The following KRT40 variants were observed in gnomAD, a reference collection of about 807,000 sequenced individuals.
The protein encoded by KRT40 is keratin 40.
A neutral mutation model predicts 43.5 loss-of-function variants in KRT40; 47 were observed. That is an observed-to-expected ratio of 1.08 (90% CI 0.86 to 1.38). The LOEUF (loss-of-function observed/expected upper bound fraction) is 1.38, where lower values mean the gene tolerates loss of function less well. Among genes scored for constraint, KRT40 ranks in the 40% most tolerant of loss-of-function variants. KRT40 has a pLI of 0.00. For missense variants in KRT40, 573 were observed against 523.6 expected, an observed-to-expected ratio of 1.09 and a Z score of -0.92; for synonymous variants, 212 against 214.0, an observed-to-expected ratio of 0.99 and a Z score of 0.08.
chr17:40,979,664 T>G (rs920718304), intron 5 of KRT40, among the ~76,000 whole-genome samples: 15 of 152,056 alleles, frequency 9.9e-5, no homozygotes, highest in African/African-American at 2.9e-4. Context: ...GAGGAAAGAT[T>G]GAGTTTGGGC....
chr17:40,982,378 T>G lies in KRT40; in HGVS notation c.616A>C (p.Lys206Gln). 6.2e-7 allele frequency: 1 copy of G among 1,612,034 alleles called. No individual in the cohort carries two copies. Among genetic ancestry groups the G allele is most frequent in the East Asian group, 2.2e-5 (1 of 44,670 alleles). The change falls in exon 3 of 7, where the codon AAA becomes CAA. Residue 206 changes from lysine to glutamine, a missense_variant. By Grantham distance (53) the Lys-to-Gln change is moderately conservative (BLOSUM62 1). Coordinates refer to ENST00000377755, the MANE Select transcript of KRT40 (RefSeq NM_001389244.1). ...TCCACATGGGCCTCCAGATCAGATT[T>G]GCACAGGGTCAGTTCCTCCAGGATC... ...HGILEELTLC[K>Q]SDLEAHVESL...
intron 5 of KRT40, among the ~76,000 whole-genome samples, chr17:40,979,651 T>A (rs1019356961): frequency 1.3e-5 from 2 of 152,020 alleles, no homozygotes; most frequent in Non-Finnish European, 2.9e-5. Flanking sequence ...CCACAACATA[T>A]GAGAGGAAAG....
rs1295912254 is a variant in KRT40 at position 40,980,878 on chromosome 17, G to T, written c.882C>A (p.Ser294Arg). Residue 294 changes from serine to arginine, a missense_variant, in exon 5 of 7, where the codon AGC (serine) becomes AGA (arginine). Coordinates refer to ENST00000377755, the MANE Select transcript of KRT40 (RefSeq NM_001389244.1). ...TEELNQQQLS[S>R]AEQLQGCQME... ...TCTGGCAGCCCTGCAGCTGCTCCGC[G>T]CTGGACAGTTGCTGCTGATTCAGCT... 6.2e-7 allele frequency: 1 copy of T among 1,613,852 alleles called. No homozygotes were observed. The highest frequency in any genetic ancestry group is 2.2e-5 in the East Asian group (1 of 44,896).
In KRT40 at chr17:40,982,583, C is replaced by G. The variant is rs1912230839; in HGVS notation, c.531-120G>C. ...CCATGTGCATAATTTCTCTTAATTC[C>G]TAAGTAATGATAAATTCAAGCTTTT... On this transcript the variant is annotated intron_variant, in intron 2 of 6. Coordinates refer to ENST00000377755, the MANE Select transcript of KRT40 (RefSeq NM_001389244.1). 1.2e-5 allele frequency: 8 copies of G among 680,958 alleles called. No homozygotes were observed. In the East Asian group the frequency reaches 2.3e-4, roughly 20 times the overall value. 42.2% of individuals were successfully genotyped at this position (680,958 alleles called of 1,614,324 possible). A position where few individuals can be genotyped will look rare whatever the true frequency, so the allele number is the denominator to read the frequency against.
In KRT40 at chr17:40,979,014, A is replaced by G; in HGVS notation, c.986T>C (p.Leu329Pro). The change falls in exon 6 of 7, where the codon CTG (leucine) becomes CCG (proline). Residue 329 changes from leucine (L) to proline (P), a missense_variant. Transcript: ENST00000377755. ...LQAQQSLTESLECTVAETEAQ... is the reference protein window; with the variant it reads ...LQAQQSLTESPECTVAETEAQ... ...CTCGGTTTCTGCCACGGTGCATTCC[A>G]GAGATTCTGTCTGCGGGAGGAAACA... is the stretch of plus-strand genomic sequence containing the variant. 6.2e-7 allele frequency: 1 copy of G among 1,613,166 alleles called. No individual in the cohort carries two copies. The highest frequency in any genetic ancestry group is 8.5e-7 in the Non-Finnish European group (1 of 1,179,226).
intron 5 of KRT40, 111 bp downstream of exon 5, chr17:40,980,674 G>A (rs1912088541): frequency 4.4e-6 from 6 of 1,361,686 alleles, no homozygotes; most frequent in Middle Eastern, 2.7e-4. Flanking sequence ...TGGGTAAACG[G>A]CAGTACTCGG....
At chr17:40,983,803 G>A (rs764830761) in intron 1 of KRT40, 24 bp downstream of exon 1, 5 of 1,602,714 alleles carry the variant, frequency 3.1e-6, no homozygotes, top group Non-Finnish European at 4.3e-6. Context: ...GGAAGGTGGA[G>A]CACTAGGGCA....
rs56278621 is a variant in KRT40, at chr17:40,982,388, C to T, written c.606G>A (p.Leu202=). The change falls in exon 3 of 7, where the codon CTG becomes CTA. Residue 202 remains leucine, a synonymous_variant. Transcript: ENST00000377755. ...CCTCCAGATCAGATTTGCACAGGGT[C>T]AGTTCCTCCAGGATCCCATGCAGGC... The part of the protein sequence containing the change: ...ISSLHGILEE[L]TLCKSDLEAH... 3 of 1,612,088 alleles carry T rather than the reference C, an allele frequency of 1.9e-6. No homozygotes were observed. The highest frequency in any genetic ancestry group is 2.5e-6 in the Non-Finnish European group (3 of 1,179,058).
In KRT40 at chr17:40,981,150, T is replaced by A. The variant is rs779628156; in HGVS notation, c.689A>T (p.Glu230Val). ...AAGCTGTTCACGAAGCAAGTTGACT[T>A]CCTGAAAGTGGGATGGTGTAAAGAA... is the stretch of plus-strand genomic sequence containing the variant. ...LLCLKKNHEE[E>V]VNLLREQLGD... Residue 230 changes from glutamate (E) to valine (V), a missense_variant and splice_region_variant, in exon 4 of 7, where the codon GAA becomes GTA. Glu to Val is a moderately radical substitution (Grantham distance 121, BLOSUM62 -2). Transcript: ENST00000377755. The A allele has an allele frequency of 3.7e-6, 6 of 1,613,682 alleles. No individual in the cohort carries two copies. The highest frequency in any genetic ancestry group is 1.7e-6 in the Non-Finnish European group (2 of 1,179,732).
At chr17:40,982,774 C>G (rs879277680) in intron 2 of KRT40, among the ~76,000 whole-genome samples, 3 of 152,058 alleles carry the variant, frequency 2.0e-5, no homozygotes, top group Non-Finnish European at 4.4e-5. Flanking sequence ...GAGGCCAAGG[C>G]GGGCAGATCA....
In KRT40 at chr17:40,982,353, T is replaced by C; in HGVS notation, c.641A>G (p.Glu214Gly). The part of the protein sequence containing the change: ...LCKSDLEAHV[E>G]SLKEDLLCLK... The stretch of plus-strand genomic sequence containing the variant: ...GCAAAGGAGATCTTCCTTCAGAGAC[T>C]CCACATGGGCCTCCAGATCAGATTT... Residue 214 changes from glutamate (E) to glycine (G), a missense_variant, in exon 3 of 7, where the codon GAG becomes GGG. Physicochemically the swap from Glu to Gly is moderately conservative, Grantham distance 98. Coordinates refer to ENST00000377755, the MANE Select transcript of KRT40 (RefSeq NM_001389244.1). 1 of 1,604,850 alleles carries C rather than the reference T, an allele frequency of 6.2e-7. No homozygotes were observed. Among genetic ancestry groups the C allele is most frequent in the African/African-American group, 1.3e-5 (1 of 74,340 alleles).
Position 40,978,952 on chromosome 17 carries a change from G to A in KRT40, c.1048C>T (p.Leu350=). The A allele has an allele frequency of 6.2e-7, 1 of 1,614,150 alleles. No homozygotes were observed. Among genetic ancestry groups the A allele is most frequent in the Non-Finnish European group, 8.5e-7 (1 of 1,180,016 alleles). ...AGCTGGTTCTCCAGGTTATCGATCA[G>A]ACACTGAATTTGGGCCAGCTGGGAG... ...YSSQLAQIQC[L]IDNLENQLAE... The change falls in exon 6 of 7, where the codon CTG becomes TTG. Residue 350 remains leucine (L), a synonymous_variant. Transcript: ENST00000377755.
intron 3 of KRT40, 87 bp downstream of exon 3, chr17:40,982,220 A>C: frequency 3.9e-6 from 5 of 1,287,226 alleles, no homozygotes; most frequent in Non-Finnish European, 5.2e-6. Context: ...CATCTGCCCA[A>C]ATTCGATTTA....
upstream of KRT40, among the ~76,000 whole-genome samples, chr17:40,985,178 G>C (rs1912409436): frequency 6.6e-6 from 1 of 152,106 alleles, no homozygotes; most frequent in African/African-American, 2.4e-5. Flanking sequence ...TTTCTTCTGA[G>C]ATGTAGAGCC....
In KRT40 at chr17:40,983,785, A is replaced by G. The variant is rs149142556; in HGVS notation, c.447+42T>C. 2,035 of 1,580,966 alleles carry G rather than the reference A, an allele frequency of 1.3e-3. 21 individuals are homozygous for G. In the African/African-American group the frequency reaches 0.023, roughly 18 times the overall value. On this transcript the variant is annotated intron_variant, in intron 1 of 6. Coordinates refer to ENST00000377755, the MANE Select transcript of KRT40 (RefSeq NM_001389244.1). ...TTCTAGTAGAAAGATAAAGCAAACC[A>G]TAGATCAGGAAGGTGGAGCACTAGG...
At chr17:40,984,348 GT>G, upstream of KRT40, 1 of 1,149,772 alleles carries the variant, frequency 8.7e-7, no homozygotes, top group Non-Finnish European at 1.2e-6. Flanking sequence ...TCTCCTGAGA[GT>G]TTTATAACCC....
chr17:40,980,299 A>G (rs1336319461), intron 5 of KRT40, among the ~76,000 whole-genome samples: 2 of 152,168 alleles, frequency 1.3e-5, no homozygotes, highest in African/African-American at 4.8e-5. Context: ...ACATGCACAC[A>G]GTGGTGCTTG....
Position 40,984,133 on chromosome 17 carries a change from G to A in KRT40, c.141C>T (p.Ser47=), listed in dbSNP as rs764113933. The A allele has an allele frequency of 2.5e-6, 4 of 1,614,052 alleles. No homozygotes were observed. In the East Asian group the frequency reaches 6.7e-5, roughly 27 times the overall value. Residue 47 remains serine (S), a synonymous_variant, in exon 1 of 7, where the codon AGC becomes AGT. Coordinates refer to ENST00000377755, the MANE Select transcript of KRT40 (RefSeq NM_001389244.1). ...TCAGCCCGCGAGACCTGGATAGGAA[G>A]CTTGGAGTCTGACATCGGGATGTAG... ...TCATSRCQTP[S]FLSRSRGLTG... is the part of the protein sequence containing the mutation.
intron 2 of KRT40, among the ~76,000 whole-genome samples, chr17:40,982,809 A>T (rs1481987125): frequency 6.6e-6 from 1 of 152,020 alleles, no homozygotes; most frequent in African/African-American, 2.4e-5. Context: ...TTCGAGACCA[A>T]CCTGGCCCAC....
Sources: allele counts gnomAD v4.1 joint callset (sites outside exome capture counted in the v4.1 genomes callset), GRCh38; gene constraint gnomAD v4.1.1; transcripts MANE v1.5; gene names NCBI Gene and HGNC (gene_info 2026-07-23, HGNC 2026-07-21).